PTPRS: variants seen among roughly 807,000 people sequenced by gnomAD.
PTPRS encodes the protein receptor-type tyrosine-protein phosphatase S.
A neutral mutation model predicts 215.3 loss-of-function variants in PTPRS; 63 were observed. That is an observed-to-expected ratio of 0.29 (90% CI 0.24 to 0.36). The LOEUF (loss-of-function observed/expected upper bound fraction) is 0.36, where lower values mean the gene tolerates loss of function less well. Ranked by LOEUF, PTPRS falls within the 10% of genes least tolerant of loss-of-function variation. The probability of loss-of-function intolerance (pLI) is 1.00; values close to 1 mark genes in which losing one functional copy is unlikely to be tolerated. For missense variants in PTPRS, 2,258 were observed against 2,825.8 expected (o/e 0.80, Z 4.56); for synonymous variants, 1,404 against 1,191.4 (o/e 1.18, Z -3.68).
At chr19:5,288,041 A>G (rs893501535) in intron 1 of PTPRS, among the ~76,000 whole-genome samples, 1 of 150,986 alleles carries the variant, frequency 6.6e-6, no homozygotes, top group African/African-American at 2.4e-5. Context: ...ACATAGTCAG[A>G]CCACAAACAC....
In PTPRS at chr19:5,322,361, C is replaced by T. The variant is rs2050046264; in HGVS notation, c.-95+18303G>A. ...CACTCAGGAGGCTGGCCCGTCAGCGCAGCACCACGTCCGTGGGCAGGCAGA... is the reference window on the plus strand; with the variant it reads ...CACTCAGGAGGCTGGCCCGTCAGCGTAGCACCACGTCCGTGGGCAGGCAGA... On this transcript the variant is annotated intron_variant, in intron 1 of 37. Coordinates refer to ENST00000262963, the MANE Select transcript of PTPRS (RefSeq NM_002850.4). Among the ~76,000 whole-genome samples, 4 of 152,332 alleles carry T rather than the reference C, an allele frequency of 2.6e-5. 1 individual carries two copies. In the South Asian group the frequency reaches 8.3e-4, roughly 32 times the overall value.
chr19:5,220,034 C>T lies in PTPRS; in HGVS notation c.3670G>A (p.Asp1224Asn), dbSNP rs145842090. 14 of 1,613,888 alleles carry T rather than the reference C, an allele frequency of 8.7e-6. No homozygotes were observed. The highest frequency in any genetic ancestry group is 1.6e-4 in the Middle Eastern group (1 of 6,084). Residue 1224 changes from aspartate to asparagine, a missense_variant, in exon 22 of 38, where the codon GAC (aspartate) becomes AAC (asparagine). Transcript: ENST00000262963. ...SVLPPTFHPGDQKQYGGFDNR... is the reference protein window; with the variant it reads ...SVLPPTFHPGNQKQYGGFDNR... ...TCGAAGCCGCCATACTGCTTCTGGT[C>T]GCCGGGATGGAACGTGGGTGGCAGC...
At chr19:5,225,478 G>C (rs2042396411) in intron 17 of PTPRS, among the ~76,000 whole-genome samples, 1 of 149,554 alleles carries the variant, frequency 6.7e-6, no homozygotes, top group African/African-American at 2.5e-5. Context: ...AGAGGTGGCT[G>C]TTAACTGTTT....
intron 16 of PTPRS, among the ~76,000 whole-genome samples, chr19:5,227,436 T>C (rs957732901): frequency 9.0e-5 from 13 of 144,456 alleles, no homozygotes; most frequent in African/African-American, 2.9e-4. Flanking sequence ...TTTTTGGACA[T>C]AGAGTTTCGC....
Position 5,315,357 on chromosome 19 carries a change from T to C in PTPRS, c.-95+25307A>G, listed in dbSNP as rs1420875856. ...GAATTTTTATTTGAAAAGGGTTTTT[T>C]TTTTTTTTTTTTTTTTTTTTTTTTG... On this transcript the variant is annotated intron_variant, in intron 1 of 37. Transcript: ENST00000262963. 1.8e-4 allele frequency among the ~76,000 whole-genome samples: 15 copies of C among 82,798 alleles called. 1 individual carries two copies. Among genetic ancestry groups the C allele is most frequent in the Admixed American group, 3.4e-4 (3 of 8,750 alleles). The allele number at this position is 82,798 out of a possible 152,430, so 54.3% of individuals were successfully genotyped here.
At position 5,210,264 on chromosome 19, in the gene PTPRS, G is replaced by A. The variant is rs2040747690; in HGVS notation, c.5487+205C>T. ...GGGGCCATGTTCCCTAGTGAGTGGAGACACTGCAGGGTCAGCACAGAGATA... is the reference window on the plus strand; with the variant it reads ...GGGGCCATGTTCCCTAGTGAGTGGAAACACTGCAGGGTCAGCACAGAGATA... On this transcript the variant is annotated intron_variant, in intron 35 of 37. Transcript: ENST00000262963. This position sits in a 1 kb window ranked among gnomAD's most constrained non-coding sequence, Gnocchi z 4.5. Among the ~76,000 whole-genome samples the A allele has an allele frequency of 6.6e-6, 1 of 152,218 alleles. No individual in the cohort carries two copies. The highest frequency in any genetic ancestry group is 1.5e-5 in the Non-Finnish European group (1 of 68,042).
At chr19:5,315,603 G>A (rs1235256337) in intron 1 of PTPRS, among the ~76,000 whole-genome samples, 5 of 150,572 alleles carry the variant, frequency 3.3e-5, no homozygotes, top group African/African-American at 9.8e-5. Flanking sequence ...GGCCCCAAGC[G>A]ATCCTCCCAC....
At chr19:5,225,303 G>A (rs1482239317) in intron 17 of PTPRS, among the ~76,000 whole-genome samples, 4 of 152,086 alleles carry the variant, frequency 2.6e-5, no homozygotes, top group Non-Finnish European at 5.9e-5. Flanking sequence ...AGACTAGGGG[G>A]CCCAGAAGGA....
At chr19:5,251,464 C>G (rs1263195020) in intron 9 of PTPRS, among the ~76,000 whole-genome samples, 1 of 143,666 alleles carries the variant, frequency 7.0e-6, no homozygotes, top group Non-Finnish European at 1.5e-5. Context: ...CTCTCTCTTT[C>G]TCTCATTTCT....
intron 37 of PTPRS, among the ~76,000 whole-genome samples, chr19:5,207,333 C>A (rs1410523272): frequency 1.3e-5 from 2 of 152,230 alleles, no homozygotes; most frequent in Non-Finnish European, 2.9e-5. Flanking sequence ...GATCTGCCTG[C>A]CTTGGCCTCC....
At chr19:5,230,567 C>T (rs932808467) in intron 14 of PTPRS, among the ~76,000 whole-genome samples, 4 of 152,328 alleles carry the variant, frequency 2.6e-5, no homozygotes, top group African/African-American at 7.2e-5. Context: ...CAGCAATCCC[C>T]GCACCTCAGC....
intron 11 of PTPRS, 38 bp downstream of exon 11, chr19:5,243,863 C>T (rs1025447758): frequency 1.3e-5 from 18 of 1,434,784 alleles, no homozygotes; most frequent in Non-Finnish European, 1.5e-5. Context: ...CCAAGCCGCA[C>T]GGCCGGGGCC....
intron 2 of PTPRS, among the ~76,000 whole-genome samples, chr19:5,280,361 T>C (rs1330728438): frequency 6.6e-6 from 1 of 152,204 alleles, no homozygotes; most frequent in Non-Finnish European, 1.5e-5. Context: ...CTAACCTCCC[T>C]CACTCAAGGC....
At chr19:5,320,028 G>C (rs2049982718) in intron 1 of PTPRS, among the ~76,000 whole-genome samples, 1 of 152,178 alleles carries the variant, frequency 6.6e-6, no homozygotes, top group East Asian at 1.9e-4. Flanking sequence ...TGGACAGGAG[G>C]CATCTGAGAA....
intron 22 of PTPRS, 91 bp from the exon 23 acceptor site, chr19:5,219,558 C>T: frequency 2.1e-6 from 3 of 1,422,562 alleles, no homozygotes; most frequent in South Asian, 1.4e-5. Flanking sequence ...ACGTTTCTCC[C>T]CCGCTCTAGA....
At chr19:5,337,731 A>C (rs995495933) in intron 1 of PTPRS, among the ~76,000 whole-genome samples, 2 of 152,180 alleles carry the variant, frequency 1.3e-5, no homozygotes, top group Non-Finnish European at 2.9e-5. Flanking sequence ...CCCCACCCAG[A>C]TGCTACCACG....
intron 13 of PTPRS, among the ~76,000 whole-genome samples, 196 bp downstream of exon 13, chr19:5,238,723 C>A (rs1186541619): frequency 6.6e-6 from 1 of 152,210 alleles, no homozygotes. Flanking sequence ...CATGCTGAGA[C>A]CCTCGCTGTG....
chr19:5,316,542 G>A (rs980546894), intron 1 of PTPRS, among the ~76,000 whole-genome samples: 4 of 152,148 alleles, frequency 2.6e-5, no homozygotes, highest in Admixed American at 6.6e-5. Flanking sequence ...ACAGACTCAC[G>A]CCACCACGCC....
intron 1 of PTPRS, among the ~76,000 whole-genome samples, chr19:5,326,987 C>T (rs1053507001): frequency 6.6e-6 from 1 of 152,174 alleles, no homozygotes; most frequent in African/African-American, 2.4e-5. Flanking sequence ...ACAACTGACC[C>T]TCCACACCTG....
Sources: gnomAD v4.1 joint callset for allele counts (sites outside exome capture counted in the v4.1 genomes callset) on GRCh38, gnomAD v4.1.1 for gene constraint, Gnocchi (gnomAD v3.1) non-coding constraint, MANE v1.5 for transcripts, NCBI Gene and HGNC (gene_info 2026-07-23, HGNC 2026-07-21) for gene names.